Variants in MBD2 observed in about 807,000 individuals in gnomAD.
MBD2 encodes methyl-CpG-binding domain protein 2.
MBD2 carries 9 observed loss-of-function variants against 39.3 expected under a neutral mutation model. The observed-to-expected ratio is 0.23, with a 90% CI of 0.14 to 0.40. The LOEUF (loss-of-function observed/expected upper bound fraction) is 0.40, where lower values mean the gene tolerates loss of function less well. MBD2 is among the 10% of genes least tolerant of loss of function. MBD2 has a pLI of 1.00. For synonymous variants in MBD2, 233 were observed against 211.1 expected (o/e 1.10, Z -0.90); for missense variants, 458 against 532.6 (o/e 0.86, Z 1.38).
At chr18:54,203,179 T>C (rs188812299) in intron 2 of MBD2, 1 of 1,582,016 alleles carries the variant, frequency 6.3e-7, no homozygotes, top group South Asian at 1.2e-5. Flanking sequence ...TGTCAGAAAA[T>C]AAATCTGCAC....
chr18:54,158,733 T>C (rs2086072355), intron 6 of MBD2, among the ~76,000 whole-genome samples: 1 of 152,154 alleles, frequency 6.6e-6, no homozygotes, highest in South Asian at 2.1e-4. Flanking sequence ...GCAATTCTCA[T>C]GTCTCAGCCT....
chr18:54,170,648 G>T (rs754863977), intron 3 of MBD2, among the ~76,000 whole-genome samples: 1 of 152,184 alleles, frequency 6.6e-6, no homozygotes, highest in Non-Finnish European at 1.5e-5. Context: ...TATGCAATGT[G>T]TTTTTCTTGC....
intron 1 of MBD2, among the ~76,000 whole-genome samples, chr18:54,207,874 A>C (rs1345188022): frequency 3.3e-5 from 5 of 151,994 alleles, no homozygotes. Context: ...CGTCTCTACT[A>C]AAAATACAAA....
chr18:54,224,549 T>C lies in MBD2; in HGVS notation c.11A>G (p.His4Arg). 1 of 1,193,352 alleles carries C rather than the reference T, an allele frequency of 8.4e-7. No individual in the cohort carries two copies. Among genetic ancestry groups the C allele is most frequent in the Non-Finnish European group, 1.0e-6 (1 of 964,346 alleles). The allele number at this position is 1,193,352 out of a possible 1,614,324, so 73.9% of individuals were successfully genotyped here. MRAHPGGGRCCPEQ... is the reference protein window; with the variant it reads MRARPGGGRCCPEQ... ...CGGGCAGCAGCGGCCTCCCCCCGGG[T>C]GCGCGCGCATCCAGCCCCCTCCCCA... Residue 4 changes from histidine to arginine, a missense_variant, in exon 1 of 7, where the codon CAC becomes CGC. Coordinates refer to ENST00000256429, the MANE Select transcript of MBD2 (RefSeq NM_003927.5).
intron 6 of MBD2, among the ~76,000 whole-genome samples, chr18:54,156,192 T>C (rs1285637732): frequency 2.6e-5 from 4 of 152,186 alleles, no homozygotes. Flanking sequence ...ATTAAAACTT[T>C]TAGGTATATA....
intron 3 of MBD2, 78 bp downstream of exon 3, chr18:54,188,795 GA>G (rs2086300325): frequency 6.9e-7 from 1 of 1,447,230 alleles, no homozygotes; most frequent in Admixed American, 1.9e-5. Context: ...ATTTTAACCA[GA>G]ATTTATTTGA....
intron 3 of MBD2, among the ~76,000 whole-genome samples, chr18:54,186,715 G>C (rs901788563): frequency 5.3e-5 from 8 of 152,142 alleles, no homozygotes; most frequent in African/African-American, 1.9e-4. Context: ...AAAGCATCCA[G>C]CAAAAATTGT....
At chr18:54,186,559 C>T (rs879351321) in intron 3 of MBD2, among the ~76,000 whole-genome samples, 7 of 152,130 alleles carry the variant, frequency 4.6e-5, no homozygotes, top group Non-Finnish European at 1.0e-4. Flanking sequence ...ATTTTTAAAA[C>T]ATTAACATGA....
chr18:54,197,635 T>G (rs1158694313), intron 2 of MBD2, among the ~76,000 whole-genome samples: 1 of 152,206 alleles, frequency 6.6e-6, no homozygotes, highest in Non-Finnish European at 1.5e-5. Flanking sequence ...TAGTACTCTT[T>G]TTGTGTTATG....
At chr18:54,206,106 A>G (rs564106134) in intron 1 of MBD2, among the ~76,000 whole-genome samples, 2 of 152,342 alleles carry the variant, frequency 1.3e-5, no homozygotes, top group African/African-American at 2.4e-5. Flanking sequence ...TGAGAAAACT[A>G]GAGCAAATAT....
intron 5 of MBD2, among the ~76,000 whole-genome samples, chr18:54,162,218 G>A (rs1023643124): frequency 6.6e-6 from 1 of 152,152 alleles, no homozygotes; most frequent in African/African-American, 2.4e-5. Flanking sequence ...TAATAAATGG[G>A]TATTGTTTTA....
chr18:54,219,630 G>T (rs1226055534), intron 1 of MBD2, among the ~76,000 whole-genome samples: 1 of 152,020 alleles, frequency 6.6e-6, no homozygotes, highest in Non-Finnish European at 1.5e-5. Context: ...TGCTTACCTG[G>T]GTCCACTCAG....
chr18:54,167,919 A>G (rs1490136724), intron 3 of MBD2, among the ~76,000 whole-genome samples: 1 of 151,360 alleles, frequency 6.6e-6, no homozygotes, highest in African/African-American at 2.4e-5. Context: ...GTGGAATAAC[A>G]TCATCTGTGT....
intron 1 of MBD2, among the ~76,000 whole-genome samples, chr18:54,210,872 T>C (rs1188131966): frequency 1.4e-5 from 2 of 143,708 alleles, no homozygotes; most frequent in Non-Finnish European, 3.0e-5. Flanking sequence ...TTCTATTTTT[T>C]TTTTTTTTTT....
chr18:54,222,912 T>C (rs528191247), intron 1 of MBD2, among the ~76,000 whole-genome samples: 35 of 152,250 alleles, frequency 2.3e-4, no homozygotes, highest in Non-Finnish European at 1.0e-4. Context: ...ATAAGCATGG[T>C]ATGTGTACAG....
chr18:54,182,643 T>C (rs1432330900), intron 3 of MBD2, among the ~76,000 whole-genome samples: 1 of 152,044 alleles, frequency 6.6e-6, no homozygotes, highest in African/African-American at 2.4e-5. Flanking sequence ...ATTAACACTA[T>C]CAGACCATCA....
intron 6 of MBD2, among the ~76,000 whole-genome samples, chr18:54,156,249 A>G (rs1305637298): frequency 6.6e-6 from 1 of 152,220 alleles, no homozygotes; most frequent in East Asian, 1.9e-4. Context: ...ATTAAGAAGT[A>G]CATCTAAATC....
At chr18:54,182,230 T>C (rs904542040) in intron 3 of MBD2, among the ~76,000 whole-genome samples, 3 of 152,158 alleles carry the variant, frequency 2.0e-5, no homozygotes, top group East Asian at 1.9e-4. Flanking sequence ...AATAGAGAAA[T>C]TGGGGATAAA....
At chr18:54,222,909 T>G (rs947926986) in intron 1 of MBD2, among the ~76,000 whole-genome samples, 1 of 152,250 alleles carries the variant, frequency 6.6e-6, no homozygotes, top group Non-Finnish European at 1.5e-5. Context: ...TTCATAAGCA[T>G]GGTATGTGTA....
Sources: allele counts gnomAD v4.1 joint callset (sites outside exome capture counted in the v4.1 genomes callset), GRCh38; gene constraint gnomAD v4.1.1; transcripts MANE v1.5; gene names NCBI Gene and HGNC (gene_info 2026-07-23, HGNC 2026-07-21).